The following CRADD variants were observed in gnomAD, a reference collection of about 807,000 sequenced individuals.
CRADD encodes the protein CARD and death domain containing adaptor protein, also known as death domain-containing protein CRADD.
CRADD carries 9 observed loss-of-function variants against 15.5 expected under a neutral mutation model. The observed-to-expected ratio is 0.58, with a 90% confidence interval of 0.35 to 1.01. CRADD has a LOEUF of 1.01. CRADD is among the 50% of genes least tolerant of loss of function. The probability of loss-of-function intolerance (pLI) is 0.02; values close to 1 mark genes in which losing one functional copy is unlikely to be tolerated. For synonymous variants in CRADD, 118 were observed against 107.6 expected, an observed-to-expected ratio of 1.10 and a Z score of -0.60; for missense variants, 227 against 250.3, an observed-to-expected ratio of 0.91 and a Z score of 0.63.
At chr12:93,884,918 C>G (rs180926412) in intron 2 of CRADD, among the ~76,000 whole-genome samples, 1 of 152,126 alleles carries the variant, frequency 6.6e-6, no homozygotes, top group Non-Finnish European at 1.5e-5. Flanking sequence ...GAGAACCATT[C>G]CTAAGGAGGG....
chr12:93,755,243 A>T (rs148547011), intron 2 of CRADD, among the ~76,000 whole-genome samples: 1 of 152,104 alleles, frequency 6.6e-6, no homozygotes, highest in Non-Finnish European at 1.5e-5. Flanking sequence ...ATTCAAGATG[A>T]TATTTGGGTG....
At chr12:93,826,131 C>A (rs1957820865) in intron 2 of CRADD, among the ~76,000 whole-genome samples, 1 of 152,188 alleles carries the variant, frequency 6.6e-6, no homozygotes, top group Non-Finnish European at 1.5e-5. Context: ...AACTGAGGTC[C>A]ATCTGTTGCA....
intron 2 of CRADD, chr12:93,733,747 T>G (rs960507415): frequency 1.3e-5 from 2 of 152,108 alleles, no homozygotes; most frequent in Non-Finnish European, 2.9e-5. Flanking sequence ...CTTTGTTTTT[T>G]TTTTTTTTTG....
intron 2 of CRADD, among the ~76,000 whole-genome samples, chr12:93,829,342 G>C (rs1293881085): frequency 6.6e-6 from 1 of 152,030 alleles, no homozygotes; most frequent in Non-Finnish European, 1.5e-5. Flanking sequence ...CCATTATCTG[G>C]TACAGGAGGC....
At chr12:93,705,440 C>G (rs549720430) in intron 2 of CRADD, among the ~76,000 whole-genome samples, 1 of 152,212 alleles carries the variant, frequency 6.6e-6, no homozygotes. Context: ...GCTCTAGGGA[C>G]AGTCTCCTGT....
intron 2 of CRADD, among the ~76,000 whole-genome samples, chr12:93,767,965 G>C (rs370005404): frequency 7.9e-5 from 12 of 152,148 alleles, no homozygotes; most frequent in African/African-American, 1.9e-4. Context: ...CTTTTGCAAA[G>C]AATTAAGTAT....
intron 2 of CRADD, among the ~76,000 whole-genome samples, chr12:93,682,073 G>A (rs1955322068): frequency 6.6e-6 from 1 of 151,756 alleles, no homozygotes; most frequent in African/African-American, 2.4e-5. Context: ...AATTAAATTG[G>A]GATTTACTGA....
At chr12:93,683,872 C>T (rs1337293704) in intron 2 of CRADD, among the ~76,000 whole-genome samples, 1 of 152,216 alleles carries the variant, frequency 6.6e-6, no homozygotes, top group Non-Finnish European at 1.5e-5. Flanking sequence ...CCTTGCTCTG[C>T]ATGTAAGTTC....
At chr12:93,702,724 CTT>C (rs980870154) in intron 2 of CRADD, among the ~76,000 whole-genome samples, 6 of 152,040 alleles carry the variant, frequency 3.9e-5, no homozygotes, top group African/African-American at 1.4e-4. Context: ...CACCCCCAAT[CTT>C]TACCTCCATT....
chr12:93,807,969 G>A (rs1957560855), intron 2 of CRADD, among the ~76,000 whole-genome samples: 1 of 114,084 alleles, frequency 8.8e-6, no homozygotes, highest in East Asian at 3.1e-4. Flanking sequence ...TTAGAAGATG[G>A]TAAGTGTTAT....
At position 93,863,770 on chromosome 12, in the gene CRADD, G is replaced by A. The variant is rs146336387; in HGVS notation, c.299-30280G>A. 5.1e-3 allele frequency among the ~76,000 whole-genome samples: 769 copies of A among 152,234 alleles called. 3 individuals carry two copies. Among genetic ancestry groups the A allele is most frequent in the Middle Eastern group, 0.014 (4 of 294 alleles). ...AAAATACCAGTAACACCCCCAATAA[G>A]CACTGCTGTATGCTTCACATGAGTA... On this transcript the variant is annotated intron_variant, in intron 2 of 2. Coordinates refer to the CRADD transcript ENST00000548483.
intron 2 of CRADD, among the ~76,000 whole-genome samples, chr12:93,879,636 A>G (rs1259923983): frequency 6.6e-6 from 1 of 152,132 alleles, no homozygotes; most frequent in African/African-American, 2.4e-5. Flanking sequence ...CTTTTAGAGC[A>G]CCTCAGGGCA....
chr12:93,837,028 T>C (rs919043267), intron 2 of CRADD, among the ~76,000 whole-genome samples: 2 of 151,978 alleles, frequency 1.3e-5, no homozygotes, highest in African/African-American at 4.8e-5. Context: ...GAAGTTATAT[T>C]TGGTGAAGGG....
chr12:93,705,928 T>G (rs1427916844), intron 2 of CRADD, among the ~76,000 whole-genome samples: 1 of 152,230 alleles, frequency 6.6e-6, no homozygotes, highest in Non-Finnish European at 1.5e-5. Context: ...CATGTATTAT[T>G]CGGAGTTAAT....
intron 2 of CRADD, among the ~76,000 whole-genome samples, chr12:93,888,314 A>C (rs770163726): frequency 6.6e-6 from 1 of 151,686 alleles, no homozygotes; most frequent in Non-Finnish European, 1.5e-5. Flanking sequence ...AGTCTTAGCT[A>C]CTCGGGAGGC....
intron 2 of CRADD, among the ~76,000 whole-genome samples, chr12:93,839,566 C>T (rs1362799888): frequency 6.6e-6 from 1 of 152,170 alleles, no homozygotes; most frequent in East Asian, 1.9e-4. Flanking sequence ...TTTCCATTGG[C>T]GGTGAACAAC....
chr12:93,759,212 A>G (rs1049676233), intron 2 of CRADD, among the ~76,000 whole-genome samples: 21 of 152,310 alleles, frequency 1.4e-4, no homozygotes, highest in African/African-American at 4.8e-4. Flanking sequence ...AGAAATAGTA[A>G]TTGTTGATAT....
intron 2 of CRADD, among the ~76,000 whole-genome samples, chr12:93,725,272 A>G (rs73361538): frequency 0.037 from 5,643 of 152,258 alleles, 322 homozygotes; most frequent in African/African-American, 0.12. Context: ...GGAACAATAT[A>G]TGTCTTAAGA....
intron 2 of CRADD, chr12:93,738,338 T>G (rs1356042043): frequency 1.4e-6 from 1 of 702,122 alleles, no homozygotes; most frequent in Non-Finnish European, 2.6e-6. Flanking sequence ...GAACTCTGCC[T>G]TTTTGAAGCC....
Sources: allele counts gnomAD v4.1 joint callset (sites outside exome capture counted in the v4.1 genomes callset), GRCh38; gene constraint gnomAD v4.1.1; transcripts MANE v1.5; gene names NCBI Gene and HGNC (gene_info 2026-07-23, HGNC 2026-07-21).